AQP5: variants seen among roughly 807,000 people sequenced by gnomAD.
The protein encoded by AQP5 is aquaporin 5.
A neutral mutation model predicts 19.1 loss-of-function variants in AQP5; 15 were observed. The ratio of observed to expected loss-of-function variants is 0.79; its 90% CI spans 0.53 to 1.21. The LOEUF is 1.21. Ranked by LOEUF, AQP5 falls within the 50% of genes most tolerant of loss-of-function variation. The pLI, the probability that AQP5 is intolerant of heterozygous loss-of-function variation, is 0.00. For missense variants in AQP5, 355 were observed against 357.1 expected (o/e 0.99, Z 0.05); for synonymous variants, 182 against 160.3 (o/e 1.14, Z -1.02).
At position 49,963,161 on chromosome 12, in the gene AQP5, G is replaced by A. The variant is rs1408320374; in HGVS notation, c.364-331G>A. On this transcript the variant is annotated intron_variant, in intron 1 of 3. Coordinates refer to ENST00000293599, the MANE Select transcript of AQP5 (RefSeq NM_001651.4). ...GGCAGGAGGCCGGGATGGGGTGTGA[G>A]GCAGGCAAACCGGGCAGCTGCCCAC... Among the ~76,000 whole-genome samples the A allele has an allele frequency of 3.3e-5, 5 of 152,358 alleles. No individual in the cohort carries two copies. In the East Asian group the frequency reaches 9.7e-4, roughly 29 times the overall value.
rs759929671 is a variant in AQP5 at position 49,962,107 on chromosome 12, C to T, written c.90C>T (p.Gly30=). The change falls in exon 1 of 4, where the codon GGC becomes GGT. Residue 30 remains glycine (G), a synonymous_variant. Coordinates refer to ENST00000293599, the MANE Select transcript of AQP5 (RefSeq NM_001651.4). ...ATLIFVFFGL[G]SALKWPSALP... Reference sequence around the variant, plus strand: ...TCATCTTCGTCTTCTTTGGCCTGGGCTCGGCCCTCAAGTGGCCGTCGGCGC... The same window carrying T: ...TCATCTTCGTCTTCTTTGGCCTGGGTTCGGCCCTCAAGTGGCCGTCGGCGC... 6.2e-7 allele frequency: 1 copy of T among 1,613,620 alleles called. No individual in the cohort carries two copies. Among genetic ancestry groups the T allele is most frequent in the Non-Finnish European group, 8.5e-7 (1 of 1,179,792 alleles).
chr12:49,961,948 C>A lies in AQP5; in HGVS notation c.-70C>A. The A allele has an allele frequency of 9.1e-7, 1 of 1,102,546 alleles. No homozygotes were observed. The highest frequency in any genetic ancestry group is 1.2e-6 in the Non-Finnish European group (1 of 867,218). 68.3% of individuals were successfully genotyped at this position (1,102,546 alleles called of 1,614,324 possible). ...AGGCCCCCGCCCCCGCCGCATCCAC[C>A]TCCTCCGCCGCCTGCGACCCAACGG... On this transcript the variant is annotated 5_prime_UTR_variant, in exon 1 of 4. Transcript: ENST00000293599.
Position 49,964,168 on chromosome 12 carries a change from C to T in AQP5, c.605C>T (p.Ala202Val). 6.2e-7 allele frequency: 1 copy of T among 1,614,080 alleles called. No homozygotes were observed. ...PAVVMNRFSP[A>V]HWVFWVGPIV... ...GTGGTCATGAATCGGTTCAGCCCCG[C>T]TCACTGGGTGAGTCTGTCCCTTCCC... Residue 202 changes from alanine to valine, a missense_variant, in exon 3 of 4, where the codon GCT becomes GTT. Coordinates refer to ENST00000293599, the MANE Select transcript of AQP5 (RefSeq NM_001651.4).
intron 1 of AQP5, among the ~76,000 whole-genome samples, chr12:49,963,135 G>A (rs1198584007): frequency 6.6e-6 from 1 of 152,254 alleles, no homozygotes; most frequent in African/African-American, 2.4e-5. Flanking sequence ...GGCCAGGCAC[G>A]GGCAGGAGGC....
Position 49,961,898 on chromosome 12 carries a change from G to A in AQP5, c.-120G>A. ...GGCCGCCAGCCTCGGAGTGGGCGCG[G>A]GACAGTGCGCGGCGCCCCGCAGCCA... is the stretch of plus-strand genomic sequence containing the variant. On this transcript the variant is annotated 5_prime_UTR_variant, in exon 1 of 4. Coordinates refer to ENST00000293599, the MANE Select transcript of AQP5 (RefSeq NM_001651.4). 2.0e-6 allele frequency: 1 copy of A among 488,888 alleles called. No individual in the cohort carries two copies. The highest frequency in any genetic ancestry group is 2.8e-6 in the Non-Finnish European group (1 of 359,772). 30.3% of individuals were successfully genotyped at this position (488,888 alleles called of 1,614,324 possible).
At chr12:49,964,762 G>A (rs946616346) in intron 3 of AQP5, 60 of 985,342 alleles carry the variant, frequency 6.1e-5, no homozygotes, top group South Asian at 2.8e-4. Context: ...CTGGGAATCT[G>A]TTTGCCTTCT....
rs1323409963 is a variant in AQP5, at chr12:49,961,984, C to T, written c.-34C>T. ...CCTGCGACCCAACGGGCGCCCCCCG[C>T]CGCGGCAGCTGCCGCCGGGCCCCCG... is the stretch of plus-strand genomic sequence containing the variant. On this transcript the variant is annotated 5_prime_UTR_variant, in exon 1 of 4. Transcript: ENST00000293599. 1 of 1,322,958 alleles carries T rather than the reference C, an allele frequency of 7.6e-7. No homozygotes were observed. The highest frequency in any genetic ancestry group is 1.5e-5 in the African/African-American group (1 of 65,952). The allele number at this position is 1,322,958 out of a possible 1,614,324, so 82.0% of individuals were successfully genotyped here.
Position 49,965,167 on chromosome 12 carries a change from C to T in AQP5, c.788C>T (p.Thr263Ile). The change falls in exon 4 of 4, where the codon ACC (threonine) becomes ATC (isoleucine). Residue 263 changes from threonine to isoleucine, a missense_variant. Physicochemically the swap from Thr to Ile is moderately conservative, Grantham distance 89. Transcript: ENST00000293599. ...GAGCGGAAGAAGACCATGGAGCTGA[C>T]CACCCGCTGACCAGTGTCAGGCAGG... The part of the protein sequence containing the change: ...REERKKTMEL[T>I]TR 6.2e-7 allele frequency: 1 copy of T among 1,610,100 alleles called. No individual in the cohort carries two copies. The highest frequency in any genetic ancestry group is 8.5e-7 in the Non-Finnish European group (1 of 1,178,290).
chr12:49,963,983 T>A lies in AQP5; in HGVS notation c.529-109T>A, dbSNP rs879517921. ...GGAGGGAGAGGTTGCCAGCCTGAGTTTGAGACCTGGCTGAGCCCCTGGACT... is the reference window on the plus strand; with the variant it reads ...GGAGGGAGAGGTTGCCAGCCTGAGTATGAGACCTGGCTGAGCCCCTGGACT... On this transcript the variant is annotated intron_variant, in intron 2 of 3. Coordinates refer to ENST00000293599, the MANE Select transcript of AQP5 (RefSeq NM_001651.4). The A allele has an allele frequency of 6.0e-6, 7 of 1,174,490 alleles. No homozygotes were observed. The South Asian group carries it at 9.2e-5, about 15-fold the overall frequency. 72.8% of individuals were successfully genotyped at this position (1,174,490 alleles called of 1,614,324 possible).
chr12:49,963,464 G>C (rs188741631), intron 1 of AQP5, 28 bp from the exon 2 acceptor site: 9 of 1,608,626 alleles, frequency 5.6e-6, no homozygotes, highest in Admixed American at 3.3e-5. Context: ...GAAGGTGGCC[G>C]GGGTCCTAAC....
rs758923290 is a variant in AQP5, at chr12:49,962,421, G to A, written c.363+41G>A. On this transcript the variant is annotated intron_variant, in intron 1 of 3. Transcript: ENST00000293599. ...GGGGGGTGGGAGCCTCGACCCTGGGGTGGGCTCAGGACCAGGCCTCTTACC... is the reference window on the plus strand; with the variant it reads ...GGGGGGTGGGAGCCTCGACCCTGGGATGGGCTCAGGACCAGGCCTCTTACC... The A allele has an allele frequency of 1.4e-5, 20 of 1,414,504 alleles. No homozygotes were observed. The African/African-American group carries it at 2.3e-4, about 16-fold the overall frequency. 87.6% of individuals were successfully genotyped at this position (1,414,504 alleles called of 1,614,324 possible). A position where few individuals can be genotyped will look rare whatever the true frequency, so the allele number is the denominator to read the frequency against.
chr12:49,964,655 C>A, intron 3 of AQP5: 1 of 985,240 alleles, frequency 1.0e-6, no homozygotes, highest in Non-Finnish European at 1.2e-6. Flanking sequence ...GTGGAGGGGA[C>A]ACGCGCTCTG....
rs1335045089 is a variant in AQP5, at chr12:49,964,119, C to G, written c.556C>G (p.Pro186Ala). The change falls in exon 3 of 4, where the codon CCA (proline) becomes GCA (alanine). Residue 186 changes from proline (P) to alanine (A), a missense_variant. Pro to Ala is a conservative substitution (Grantham distance 27). Coordinates refer to ENST00000293599, the MANE Select transcript of AQP5 (RefSeq NM_001651.4). ...GIYFTGCSMN[P>A]ARSFGPAVVM... The stretch of plus-strand genomic sequence containing the variant: ...CTACTTCACTGGCTGCTCCATGAAC[C>G]CAGCCCGCTCTTTTGGCCCTGCGGT... The G allele has an allele frequency of 6.2e-7, 1 of 1,614,200 alleles. No individual in the cohort carries two copies. The highest frequency in any genetic ancestry group is 8.5e-7 in the Non-Finnish European group (1 of 1,180,030).
At position 49,961,954 on chromosome 12, in the gene AQP5, C is replaced by A. The variant is rs1043160434; in HGVS notation, c.-64C>A. The A allele has an allele frequency of 2.7e-5, 32 of 1,168,792 alleles. No individual in the cohort carries two copies. The highest frequency in any genetic ancestry group is 6.6e-5 in the South Asian group (2 of 30,190). The allele number at this position is 1,168,792 out of a possible 1,614,324, so 72.4% of individuals were successfully genotyped here. On this transcript the variant is annotated 5_prime_UTR_variant, in exon 1 of 4. Coordinates refer to ENST00000293599, the MANE Select transcript of AQP5 (RefSeq NM_001651.4). ...CCGCCCCCGCCGCATCCACCTCCTC[C>A]GCCGCCTGCGACCCAACGGGCGCCC...
At position 49,964,596 on chromosome 12, in the gene AQP5, C is replaced by T. The variant is rs61546342; in HGVS notation, c.613-396C>T. On this transcript the variant is annotated intron_variant, in intron 3 of 3. Coordinates refer to ENST00000293599, the MANE Select transcript of AQP5 (RefSeq NM_001651.4). ...CCCTGTGGACAGTCTGTCTGCCCCC[C>T]CTTTGGAAGCTCATGGTCACTCTCT... The T allele has an allele frequency of 4.1e-6, 4 of 965,520 alleles. No individual in the cohort carries two copies. In the East Asian group the frequency reaches 3.5e-4, roughly 83 times the overall value. The allele number at this position is 965,520 out of a possible 1,614,324, so 59.8% of individuals were successfully genotyped here.
rs1410605624 is a variant in AQP5 at position 49,961,986 on chromosome 12, G to A, written c.-32G>A. 2.3e-6 allele frequency: 3 copies of A among 1,322,102 alleles called. No individual in the cohort carries two copies. Among genetic ancestry groups the A allele is most frequent in the South Asian group, 2.4e-5 (1 of 42,544 alleles). 81.9% of individuals were successfully genotyped at this position (1,322,102 alleles called of 1,614,324 possible). A position where few individuals can be genotyped will look rare whatever the true frequency, so the allele number is the denominator to read the frequency against. On this transcript the variant is annotated 5_prime_UTR_variant, in exon 1 of 4. Coordinates refer to ENST00000293599, the MANE Select transcript of AQP5 (RefSeq NM_001651.4). ...TGCGACCCAACGGGCGCCCCCCGCCGCGGCAGCTGCCGCCGGGCCCCCGCG... is the reference window on the plus strand; with the variant it reads ...TGCGACCCAACGGGCGCCCCCCGCCACGGCAGCTGCCGCCGGGCCCCCGCG...
At position 49,965,006 on chromosome 12, in the gene AQP5, G is replaced by A. The variant is rs200982284; in HGVS notation, c.627G>A (p.Gly209=). ...GTCTCCACCAGGTTTTCTGGGTAGG[G>A]CCCATCGTGGGGGCGGTCCTGGCTG... ...FSPAHWVFWV[G]PIVGAVLAAI... Residue 209 remains glycine (G), a synonymous_variant, in exon 4 of 4, where the codon GGG becomes GGA. Coordinates refer to ENST00000293599, the MANE Select transcript of AQP5 (RefSeq NM_001651.4). The A allele has an allele frequency of 1.9e-6, 3 of 1,613,344 alleles. No homozygotes were observed. Among genetic ancestry groups the A allele is most frequent in the Admixed American group, 3.3e-5 (2 of 59,990 alleles).
chr12:49,965,487 C>CA lies in AQP5; in HGVS notation c.*311dup, dbSNP rs1565642061. ...GGGCGGGCCTGCAGCCTGCACCCCCCACCTTCCCCAACCCTTCCTCAAGAG... is the reference window on the plus strand; with the variant it reads ...GGGCGGGCCTGCAGCCTGCACCCCCCAACCTTCCCCAACCCTTCCTCAAGAG... On this transcript the variant is annotated 3_prime_UTR_variant, in exon 4 of 4. Coordinates refer to ENST00000293599, the MANE Select transcript of AQP5 (RefSeq NM_001651.4). 1 of 234,404 alleles carries CA rather than the reference C, an allele frequency of 4.3e-6. No individual in the cohort carries two copies. Among genetic ancestry groups the CA allele is most frequent in the African/African-American group, 2.2e-5 (1 of 44,596 alleles). The allele number at this position is 234,404 out of a possible 1,614,324, so 14.5% of individuals were successfully genotyped here. A position where few individuals can be genotyped will look rare whatever the true frequency, so the allele number is the denominator to read the frequency against.
chr12:49,963,397 T>C, intron 1 of AQP5, 95 bp from the exon 2 acceptor site: 9 of 1,526,752 alleles, frequency 5.9e-6, no homozygotes, highest in Non-Finnish European at 8.0e-6. Flanking sequence ...GCCAAGGTGC[T>C]CTAAGTGTCC....
Sources: gnomAD v4.1 joint callset for allele counts (sites outside exome capture counted in the v4.1 genomes callset) on GRCh38, gnomAD v4.1.1 for gene constraint, MANE v1.5 for transcripts, NCBI Gene and HGNC (gene_info 2026-07-23, HGNC 2026-07-21) for gene names.